Variants in SKIC3 observed in about 807,000 individuals in gnomAD.
SKIC3 encodes the protein SKI3 subunit of superkiller complex.
At chr5:95,546,974 G>T in the SKIC3 span, 4 of 1,367,606 alleles carry the variant, frequency 2.9e-6, no homozygotes, top group Non-Finnish European at 4.2e-6. Flanking sequence ...TTGCTGTTTG[G>T]ACAGGAAATA....
the SKIC3 span, among the ~76,000 whole-genome samples, chr5:95,479,184 G>A: frequency 6.6e-6 from 1 of 152,042 alleles, no homozygotes; most frequent in African/African-American, 2.4e-5. Flanking sequence ...TTAAATGTTT[G>A]GAAATGATTT....
At chr5:95,490,504 A>ATTT in the SKIC3 span, among the ~76,000 whole-genome samples, 15 of 144,262 alleles carry the variant, frequency 1.0e-4, no homozygotes, top group African/African-American at 3.1e-4. Context: ...ATATATATAT[A>ATTT]TTTTTTTTTT....
At chr5:95,511,983 T>C in the SKIC3 span, among the ~76,000 whole-genome samples, 1 of 152,324 alleles carries the variant, frequency 6.6e-6, no homozygotes, top group Admixed American at 6.5e-5. Flanking sequence ...CTTTCCAATA[T>C]CTTCAAGAAA....
chr5:95,512,675 A>G, the SKIC3 span: 5 of 1,600,350 alleles, frequency 3.1e-6, no homozygotes, highest in South Asian at 4.4e-5. Flanking sequence ...AATAAAAATT[A>G]TAATAAGAAG....
chr5:95,478,409 T>C, the SKIC3 span: 4 of 1,613,972 alleles, frequency 2.5e-6, no homozygotes, highest in Non-Finnish European at 3.4e-6. Context: ...GCAGCTCTCA[T>C]CATTCCTTGG....
the SKIC3 span, among the ~76,000 whole-genome samples, chr5:95,499,097 C>T: frequency 5.3e-5 from 8 of 152,168 alleles, no homozygotes; most frequent in Middle Eastern, 3.2e-3. Flanking sequence ...GCATCAATGA[C>T]TTTTCACAGA....
the SKIC3 span, among the ~76,000 whole-genome samples, chr5:95,518,499 T>A: frequency 6.7e-6 from 1 of 149,240 alleles, no homozygotes; most frequent in African/African-American, 2.5e-5. Flanking sequence ...TCTGTTCTAC[T>A]TTTTACTTCT....
At chr5:95,509,681 A>G in the SKIC3 span, 2 of 1,608,692 alleles carry the variant, frequency 1.2e-6, no homozygotes, top group Non-Finnish European at 1.7e-6. Flanking sequence ...ATAATTCTGA[A>G]TTCTTTCTAG....
the SKIC3 span, among the ~76,000 whole-genome samples, chr5:95,543,977 AC>A: frequency 1.3e-5 from 2 of 152,230 alleles, no homozygotes; most frequent in African/African-American, 4.8e-5. Flanking sequence ...GGAAAGAAAA[AC>A]AAAACCAGTA....
the SKIC3 span, among the ~76,000 whole-genome samples, chr5:95,524,818 T>C: frequency 2.6e-5 from 4 of 152,224 alleles, no homozygotes; most frequent in African/African-American, 9.6e-5. Context: ...CACTACCATG[T>C]GCTAAGTGTT....
chr5:95,489,347 A>G, the SKIC3 span, among the ~76,000 whole-genome samples: 1 of 152,082 alleles, frequency 6.6e-6, no homozygotes, highest in South Asian at 2.1e-4. Context: ...GTGTGGATGT[A>G]TACAGACTCG....
chr5:95,553,607 C>T, the SKIC3 span, among the ~76,000 whole-genome samples: 1 of 151,722 alleles, frequency 6.6e-6, no homozygotes, highest in Non-Finnish European at 1.5e-5. Flanking sequence ...GTTGCCCAGG[C>T]GGAGTGCAAA....
At chr5:95,502,784 A>G in the SKIC3 span, 3 of 1,551,852 alleles carry the variant, frequency 1.9e-6, no homozygotes, top group South Asian at 2.2e-5. Context: ...TTCACCCAAA[A>G]GTTCCTAAAA....
chr5:95,503,037 A>G, the SKIC3 span: 1 of 1,612,808 alleles, frequency 6.2e-7, no homozygotes, highest in Non-Finnish European at 8.5e-7. Context: ...ACAAAACAAT[A>G]TAAAAGCCAT....
At chr5:95,509,696 T>C in the SKIC3 span, 1 of 1,582,998 alleles carries the variant, frequency 6.3e-7, no homozygotes, top group South Asian at 1.1e-5. Context: ...TTCTAGAAAA[T>C]GAGAAATATC....
the SKIC3 span, among the ~76,000 whole-genome samples, chr5:95,492,652 GAAAAAA>G: frequency 2.0e-5 from 1 of 48,836 alleles, no homozygotes; most frequent in Non-Finnish European, 3.1e-5. Context: ...AAAAAAAAAA[GAAAAAA>G]AAAAAAAAAA....
At chr5:95,539,738 T>C in the SKIC3 span, among the ~76,000 whole-genome samples, 1 of 150,350 alleles carries the variant, frequency 6.7e-6, no homozygotes, top group Non-Finnish European at 1.5e-5. Flanking sequence ...CAGCTACTTG[T>C]GAGGCTGAGG....
chr5:95,536,767 C>G, the SKIC3 span: 1 of 1,421,414 alleles, frequency 7.0e-7, no homozygotes, highest in Non-Finnish European at 9.9e-7. Context: ...TAACATCACT[C>G]ACATAATCAC....
the SKIC3 span, among the ~76,000 whole-genome samples, chr5:95,485,230 T>G: frequency 6.6e-6 from 1 of 152,184 alleles, no homozygotes; most frequent in African/African-American, 2.4e-5. Flanking sequence ...AATGAACATA[T>G]TCAGCATTAT....
Sources: allele counts gnomAD v4.1 joint callset (sites outside exome capture counted in the v4.1 genomes callset), GRCh38; gene constraint gnomAD v4.1.1; transcripts MANE v1.5; gene names NCBI Gene and HGNC (gene_info 2026-07-23, HGNC 2026-07-21).